The following LRBA variants were observed in gnomAD, a reference collection of about 807,000 sequenced individuals.
LRBA encodes LPS responsive beige-like anchor protein, also known as lipopolysaccharide-responsive and beige-like anchor protein.
LRBA carries 176 observed loss-of-function variants against 330.0 expected under a neutral mutation model. The observed-to-expected ratio is 0.53, with a 90% CI of 0.47 to 0.60. LRBA has a LOEUF of 0.60. Ranked by LOEUF, LRBA falls within the 20% of genes least tolerant of loss-of-function variation. The pLI is 0.00. For synonymous variants in LRBA, 1,230 were observed against 1,193.0 expected (o/e 1.03, Z -0.64); for missense variants, 3,259 against 3,444.8 (o/e 0.95, Z 1.35).
At chr4:150,535,328 G>A (rs894036304) in intron 40 of LRBA, among the ~76,000 whole-genome samples, 2 of 152,056 alleles carry the variant, frequency 1.3e-5, no homozygotes, top group African/African-American at 4.8e-5. Context: ...TGTAAAGATG[G>A]GGTCTCACTA....
chr4:150,794,040 C>T (rs1033981208), intron 34 of LRBA, among the ~76,000 whole-genome samples: 45 of 152,138 alleles, frequency 3.0e-4, no homozygotes, highest in African/African-American at 1.1e-3. Flanking sequence ...ATATGATCCT[C>T]GAAGAATGAG....
chr4:150,984,117 A>C (rs917950389), intron 2 of LRBA, among the ~76,000 whole-genome samples: 2 of 152,314 alleles, frequency 1.3e-5, no homozygotes, highest in Admixed American at 1.3e-4. Flanking sequence ...ACCACAAAGA[A>C]CCACACTACG....
intron 2 of LRBA, among the ~76,000 whole-genome samples, chr4:150,935,605 T>G (rs1033562614): frequency 7.2e-5 from 11 of 151,968 alleles, no homozygotes; most frequent in African/African-American, 2.7e-4. Context: ...TTTCTGAAAC[T>G]TATAGTGATT....
At chr4:150,395,914 T>C (rs1017378079) in intron 47 of LRBA, among the ~76,000 whole-genome samples, 3 of 152,210 alleles carry the variant, frequency 2.0e-5, no homozygotes, top group Non-Finnish European at 4.4e-5. Flanking sequence ...ATTCTACTGG[T>C]AATTGATTCT....
intron 46 of LRBA, among the ~76,000 whole-genome samples, chr4:150,433,363 C>T (rs910187484): frequency 9.2e-5 from 14 of 151,370 alleles, no homozygotes. Context: ...GGCTGAGGTT[C>T]AGGAAAAAAA....
In LRBA at chr4:150,897,832, A is replaced by G. The variant is rs1335421692; in HGVS notation, c.1925-14T>C. ...GTCGCGGTCCATCTTTTAAAAAAATATACACATACACATTTAGTATTTAAA... is the reference window on the plus strand; with the variant it reads ...GTCGCGGTCCATCTTTTAAAAAAATGTACACATACACATTTAGTATTTAAA... On this transcript the variant is annotated splice_polypyrimidine_tract_variant and intron_variant, in intron 14 of 56. Coordinates refer to ENST00000651943, the MANE Select transcript of LRBA (RefSeq NM_001364905.1). 36 of 1,530,146 alleles carry G rather than the reference A, an allele frequency of 2.4e-5. No homozygotes were observed. Among genetic ancestry groups the G allele is most frequent in the Non-Finnish European group, 3.2e-5 (35 of 1,106,164 alleles). The allele number at this position is 1,530,146 out of a possible 1,614,324, so 94.8% of individuals were successfully genotyped here.
At chr4:150,421,378 T>C (rs748475756) in intron 46 of LRBA, among the ~76,000 whole-genome samples, 1 of 147,886 alleles carries the variant, frequency 6.8e-6, no homozygotes, top group Non-Finnish European at 1.5e-5. Flanking sequence ...ATACACAAAA[T>C]GCAGGAAGAA....
At chr4:151,009,364 C>T (rs1744533914) in intron 2 of LRBA, among the ~76,000 whole-genome samples, 1 of 151,802 alleles carries the variant, frequency 6.6e-6, no homozygotes, top group Admixed American at 6.6e-5. Flanking sequence ...GCCTGGCCAA[C>T]ATGGTGAAAC....
rs559148501 is a variant in LRBA, at chr4:150,955,436, A to G, written c.217-26371T>C. 1.4e-3 allele frequency among the ~76,000 whole-genome samples: 209 copies of G among 149,162 alleles called. 2 individuals carry two copies. The highest frequency in any genetic ancestry group is 2.2e-3 in the Non-Finnish European group (148 of 67,980). ...ATAGAAGAAAGATACTAAATCAACA[A>G]TATAACCTTTGAACATGCATAAAAA... On this transcript the variant is annotated intron_variant, in intron 2 of 56. Coordinates refer to ENST00000651943, the MANE Select transcript of LRBA (RefSeq NM_001364905.1).
chr4:150,891,901 G>A (rs1232196377), intron 17 of LRBA, among the ~76,000 whole-genome samples: 1 of 152,194 alleles, frequency 6.6e-6, no homozygotes, highest in African/African-American at 2.4e-5. Flanking sequence ...GACCAGCCTA[G>A]GCAACATGGT....
chr4:150,898,090 A>C (rs773903640), intron 14 of LRBA, among the ~76,000 whole-genome samples: 1 of 152,118 alleles, frequency 6.6e-6, no homozygotes, highest in South Asian at 2.1e-4. Context: ...CCAAAACATA[A>C]AAATGAGGTA....
intron 47 of LRBA, among the ~76,000 whole-genome samples, chr4:150,391,985 A>C (rs977530371): frequency 4.6e-5 from 7 of 151,650 alleles, no homozygotes; most frequent in East Asian, 1.9e-4. Context: ...AAAAAAAAAA[A>C]AAAAAAAAAA....
chr4:150,856,318 C>T (rs1047772322), intron 22 of LRBA, among the ~76,000 whole-genome samples: 10 of 152,186 alleles, frequency 6.6e-5, no homozygotes, highest in African/African-American at 2.4e-4. Flanking sequence ...TACATAGCTG[C>T]TATTGGGATC....
intron 2 of LRBA, among the ~76,000 whole-genome samples, chr4:150,977,226 G>A (rs1740284937): frequency 6.6e-6 from 1 of 152,226 alleles, no homozygotes; most frequent in Non-Finnish European, 1.5e-5. Flanking sequence ...TCAGCTTGAG[G>A]AGAGGAGAGT....
At chr4:150,959,255 A>C (rs1285524762) in intron 2 of LRBA, among the ~76,000 whole-genome samples, 1 of 148,894 alleles carries the variant, frequency 6.7e-6, no homozygotes, top group Non-Finnish European at 1.5e-5. Flanking sequence ...AAACCATCAG[A>C]TCTCGTGAGA....
chr4:150,977,222 TGAGGA>T (rs1486128473), intron 2 of LRBA, among the ~76,000 whole-genome samples: 1 of 152,118 alleles, frequency 6.6e-6, no homozygotes, highest in African/African-American at 2.4e-5. Flanking sequence ...TCCATCAGCT[TGAGGA>T]GAGGAGAGTG....
chr4:150,896,796 A>G (rs183129289), intron 15 of LRBA, among the ~76,000 whole-genome samples: 211 of 152,172 alleles, frequency 1.4e-3, no homozygotes, highest in African/African-American at 4.8e-3. Context: ...TACAGAAGAC[A>G]TCTTTTCGAC....
intron 37 of LRBA, among the ~76,000 whole-genome samples, chr4:150,634,440 T>A (rs147565580): frequency 6.6e-6 from 1 of 152,098 alleles, no homozygotes; most frequent in African/African-American, 2.4e-5. Context: ...ATTCAATCAA[T>A]AAGATAAAAG....
At chr4:150,404,559 C>T (rs958639526) in intron 47 of LRBA, among the ~76,000 whole-genome samples, 2 of 152,108 alleles carry the variant, frequency 1.3e-5, no homozygotes, top group Middle Eastern at 3.2e-3. Context: ...AGCTAGAAGC[C>T]TAACTATTAC....
Sources: gnomAD v4.1 joint callset for allele counts (sites outside exome capture counted in the v4.1 genomes callset) on GRCh38, gnomAD v4.1.1 for gene constraint, MANE v1.5 for transcripts, NCBI Gene and HGNC (gene_info 2026-07-23, HGNC 2026-07-21) for gene names.